Variants in GRIN2B observed in about 807,000 individuals in gnomAD.
GRIN2B encodes the protein glutamate ionotropic receptor NMDA type subunit 2B, also known as glutamate receptor ionotropic, NMDA 2B.
GRIN2B carries 5 observed loss-of-function variants against 114.5 expected under a neutral mutation model. The observed-to-expected ratio is 0.04, with a 90% CI of 0.02 to 0.09. GRIN2B has a LOEUF of 0.09. Ranked by LOEUF, GRIN2B falls within the 10% of genes least tolerant of loss-of-function variation. The probability of loss-of-function intolerance (pLI) is 1.00; values close to 1 mark genes in which losing one functional copy is unlikely to be tolerated. For synonymous variants in GRIN2B, 787 were observed against 745.1 expected (o/e 1.06, Z -0.92); for missense variants, 1,108 against 1,943.5 (o/e 0.57, Z 8.08).
At position 13,979,954 on chromosome 12, in the gene GRIN2B, G is replaced by A; in HGVS notation, c.-45C>T. On this transcript the variant is annotated 5_prime_UTR_variant, in exon 2 of 14. Transcript: ENST00000609686. ...TTGGTTTGTAGAAGCCAAACCTCTA[G>A]ACGGACAGATTAAGGGAGTGAGCAT... The A allele has an allele frequency of 6.6e-6, 1 of 152,168 alleles. No homozygotes were observed. The highest frequency in any genetic ancestry group is 1.9e-4 in the East Asian group (1 of 5,196). 9.4% of individuals were successfully genotyped at this position (152,168 alleles called of 1,614,324 possible).
intron 3 of GRIN2B, among the ~76,000 whole-genome samples, chr12:13,788,251 C>T (rs940309326): frequency 3.3e-5 from 5 of 151,992 alleles, no homozygotes; most frequent in Admixed American, 6.5e-5. Context: ...TGTTGAATTG[C>T]GGGGACAGAA....
At chr12:13,815,152 T>C (rs1312199718) in intron 3 of GRIN2B, among the ~76,000 whole-genome samples, 2 of 152,158 alleles carry the variant, frequency 1.3e-5, no homozygotes, top group East Asian at 1.9e-4. Context: ...GCTATACACA[T>C]AGGAACCATC....
chr12:13,839,226 A>G (rs1200422092), intron 3 of GRIN2B, among the ~76,000 whole-genome samples: 2 of 152,226 alleles, frequency 1.3e-5, no homozygotes, highest in Non-Finnish European at 2.9e-5. Context: ...TCTATCATCT[A>G]AAATTAATTA....
At chr12:13,832,343 T>G (rs946994795) in intron 3 of GRIN2B, among the ~76,000 whole-genome samples, 2 of 152,198 alleles carry the variant, frequency 1.3e-5, no homozygotes, top group African/African-American at 4.8e-5. Flanking sequence ...AGTACAAACA[T>G]GTATTCCTCC....
At chr12:13,682,299 T>C (rs895833406) in intron 4 of GRIN2B, among the ~76,000 whole-genome samples, 2 of 152,154 alleles carry the variant, frequency 1.3e-5, no homozygotes, top group East Asian at 1.9e-4. Context: ...TATAAAAATA[T>C]TAAACTCTGT....
chr12:13,945,402 T>C (rs1201868223), intron 2 of GRIN2B, among the ~76,000 whole-genome samples: 2 of 152,222 alleles, frequency 1.3e-5, no homozygotes, highest in African/African-American at 2.4e-5. Context: ...CCTGTCACAC[T>C]GCAGGGTGTT....
intron 3 of GRIN2B, among the ~76,000 whole-genome samples, chr12:13,756,207 G>A (rs1478692107): frequency 6.6e-6 from 1 of 151,986 alleles, no homozygotes; most frequent in Non-Finnish European, 1.5e-5. Context: ...GTAGAGAAGG[G>A]GTTTCACCAT....
intron 3 of GRIN2B, among the ~76,000 whole-genome samples, chr12:13,765,817 C>G (rs546216284): frequency 6.6e-6 from 1 of 152,270 alleles, no homozygotes; most frequent in African/African-American, 2.4e-5. Flanking sequence ...GAAAGAGAAC[C>G]TGTGTAGATC....
At chr12:13,878,367 T>TTCAGAAATTGCTCCCACCTTC (rs1159889862) in intron 2 of GRIN2B, among the ~76,000 whole-genome samples, 2 of 152,326 alleles carry the variant, frequency 1.3e-5, no homozygotes, top group East Asian at 3.9e-4. Flanking sequence ...ACTTCCAGAC[T>TTCAGAAATTGCTCCCACCTTC]TCAGAAATTG....
chr12:13,616,357 C>T (rs1443140872), intron 6 of GRIN2B, 98 bp downstream of exon 6: 4 of 840,842 alleles, frequency 4.8e-6, no homozygotes, highest in East Asian at 2.5e-5. Flanking sequence ...ACACAGTGCC[C>T]AATTCTCATG....
chr12:13,754,495 A>G (rs1232485379), intron 3 of GRIN2B, among the ~76,000 whole-genome samples: 1 of 152,248 alleles, frequency 6.6e-6, no homozygotes, highest in East Asian at 1.9e-4. Flanking sequence ...AGATAAGCTC[A>G]GTGGTCCAGA....
At chr12:13,881,676 C>T (rs568016314) in intron 2 of GRIN2B, among the ~76,000 whole-genome samples, 19 of 152,284 alleles carry the variant, frequency 1.2e-4, no homozygotes, top group Non-Finnish European at 2.4e-4. Context: ...ACTTTAGCAC[C>T]GAATTCTTTC....
Position 13,753,945 on chromosome 12 carries a change from G to A in GRIN2B, c.412-30C>T, listed in dbSNP as rs761853564. 5 of 1,470,020 alleles carry A rather than the reference G, an allele frequency of 3.4e-6. No homozygotes were observed. The Admixed American group carries it at 6.7e-5, about 20-fold the overall frequency. The allele number at this position is 1,470,020 out of a possible 1,614,324, so 91.1% of individuals were successfully genotyped here. On this transcript the variant is annotated intron_variant, in intron 3 of 13. Coordinates refer to ENST00000609686, the MANE Select transcript of GRIN2B (RefSeq NM_000834.5). This position sits in a 1 kb window ranked among gnomAD's most constrained non-coding sequence, Gnocchi z 6.2. ...AAAAAGAACAGGACAAAAAAAGGAA[G>A]AGAGAAAAAAATCAAACCAAAGATG...
At chr12:13,616,112 G>A (rs992133404) in intron 6 of GRIN2B, among the ~76,000 whole-genome samples, 1 of 152,090 alleles carries the variant, frequency 6.6e-6, no homozygotes, top group Admixed American at 6.5e-5. Context: ...TTCAAAAAAT[G>A]GTTCTAAATC....
intron 3 of GRIN2B, among the ~76,000 whole-genome samples, chr12:13,810,703 CCTT>C (rs1180999741): frequency 6.6e-6 from 1 of 152,190 alleles, no homozygotes; most frequent in Non-Finnish European, 1.5e-5. Flanking sequence ...GATTCTATGT[CCTT>C]CTTCTTAATA....
At chr12:13,855,649 T>G (rs1446535084) in intron 3 of GRIN2B, among the ~76,000 whole-genome samples, 1 of 152,210 alleles carries the variant, frequency 6.6e-6, no homozygotes, top group Non-Finnish European at 1.5e-5. Context: ...CTCCTCTGTG[T>G]CTGTGTCTTC....
chr12:13,592,816 T>C (rs1484817963), intron 10 of GRIN2B, among the ~76,000 whole-genome samples: 1 of 152,142 alleles, frequency 6.6e-6, no homozygotes, highest in Admixed American at 6.5e-5. Context: ...ATCTAGGTGT[T>C]AAAAGGAAGA....
intron 4 of GRIN2B, among the ~76,000 whole-genome samples, chr12:13,749,631 T>C (rs750035653): frequency 1.8e-4 from 28 of 152,318 alleles, no homozygotes; most frequent in Non-Finnish European, 4.1e-4. Flanking sequence ...CTTGGTTTGT[T>C]ATTTAAAAGA....
At chr12:13,936,465 T>C (rs1206017782) in intron 2 of GRIN2B, among the ~76,000 whole-genome samples, 1 of 152,168 alleles carries the variant, frequency 6.6e-6, no homozygotes, top group Non-Finnish European at 1.5e-5. Context: ...AGATTGAGTC[T>C]TACCAAGTTA....
Sources: gnomAD v4.1 joint callset for allele counts (sites outside exome capture counted in the v4.1 genomes callset) on GRCh38, gnomAD v4.1.1 for gene constraint, Gnocchi (gnomAD v3.1) non-coding constraint, MANE v1.5 for transcripts, NCBI Gene and HGNC (gene_info 2026-07-23, HGNC 2026-07-21) for gene names.